The following TNFRSF11A variants were observed in gnomAD, a reference collection of about 807,000 sequenced individuals.
The protein encoded by TNFRSF11A is tumor necrosis factor receptor superfamily member 11A.
In TNFRSF11A, 32 loss-of-function variants were observed where a neutral mutation model predicts 55.7. The ratio of observed to expected loss-of-function variants is 0.57; its 90% CI spans 0.43 to 0.77. TNFRSF11A has a LOEUF of 0.77. Ranked by LOEUF, TNFRSF11A falls within the 30% of genes least tolerant of loss-of-function variation. TNFRSF11A has a pLI of 0.00. For synonymous variants in TNFRSF11A, 311 were observed against 331.0 expected (o/e 0.94, Z 0.65); for missense variants, 753 against 809.8 (o/e 0.93, Z 0.85).
chr18:62,361,104 A>C (rs1191104154), intron 6 of TNFRSF11A, among the ~76,000 whole-genome samples: 3 of 152,220 alleles, frequency 2.0e-5, no homozygotes, highest in African/African-American at 7.2e-5. Context: ...AGGAGAGGAA[A>C]AGTAGGAGTC....
intron 3 of TNFRSF11A, among the ~76,000 whole-genome samples, chr18:62,351,287 G>C (rs2145299726): frequency 6.6e-6 from 1 of 152,338 alleles, no homozygotes; most frequent in South Asian, 2.1e-4. Context: ...ACAGGCGTGA[G>C]CCACAATGCC....
chr18:62,370,811 ATTTCTTTTCT>A (rs1232331377), intron 9 of TNFRSF11A, among the ~76,000 whole-genome samples: 1 of 145,150 alleles, frequency 6.9e-6, no homozygotes, highest in Non-Finnish European at 1.5e-5. Context: ...GCATTGTTCT[ATTTCTTTTCT>A]TTTCTTTTCT....
intron 3 of TNFRSF11A, among the ~76,000 whole-genome samples, chr18:62,352,777 A>G (rs1241916068): frequency 6.6e-6 from 1 of 152,110 alleles, no homozygotes; most frequent in Non-Finnish European, 1.5e-5. Context: ...AAGAGTGGGC[A>G]CTGCAGGAAA....
chr18:62,328,134 C>T (rs1291841507), intron 1 of TNFRSF11A, among the ~76,000 whole-genome samples: 4 of 151,738 alleles, frequency 2.6e-5, no homozygotes, highest in African/African-American at 4.9e-5. Context: ...TAGTGGAGAG[C>T]GCCAGATGGG....
At chr18:62,366,789 T>C (rs1910114755) in intron 8 of TNFRSF11A, 29 bp downstream of exon 8, 1 of 1,612,514 alleles carries the variant, frequency 6.2e-7, no homozygotes, top group Non-Finnish European at 8.5e-7. Context: ...GGTGCCTCTG[T>C]TAAGTACATT....
In TNFRSF11A at chr18:62,387,907, G is replaced by A. The variant is rs879612093; in HGVS notation, c.*2873G>A. ...AAGGCAGGAGGATCACTTGAGGACA[G>A]TAGTTAGAGATCAAACTGGGCAATG... On this transcript the variant is annotated 3_prime_UTR_variant, in exon 10 of 10. Coordinates refer to ENST00000586569, the MANE Select transcript of TNFRSF11A (RefSeq NM_003839.4). 1 of 152,240 alleles carries A rather than the reference G, an allele frequency of 6.6e-6. No individual in the cohort carries two copies. The highest frequency in any genetic ancestry group is 1.5e-5 in the Non-Finnish European group (1 of 68,088). 9.4% of individuals were successfully genotyped at this position (152,240 alleles called of 1,614,324 possible).
At chr18:62,363,578 A>G (rs1909857862) in intron 7 of TNFRSF11A, among the ~76,000 whole-genome samples, 1 of 152,014 alleles carries the variant, frequency 6.6e-6, no homozygotes, top group Non-Finnish European at 1.5e-5. Context: ...CACGTTGGTC[A>G]GGCTGGTCTC....
chr18:62,361,125 G>A (rs546353497), intron 6 of TNFRSF11A, among the ~76,000 whole-genome samples: 4 of 152,284 alleles, frequency 2.6e-5, no homozygotes, highest in African/African-American at 7.2e-5. Flanking sequence ...CAGGAAACCA[G>A]GTCATGTAAA....
At chr18:62,360,539 C>T (rs567124394) in intron 6 of TNFRSF11A, among the ~76,000 whole-genome samples, 10 of 152,116 alleles carry the variant, frequency 6.6e-5, no homozygotes, top group Admixed American at 2.0e-4. Context: ...CTCCAACTCC[C>T]GGGTTCAAGC....
Position 62,369,073 on chromosome 18 carries a change from T to G in TNFRSF11A, c.1156T>G (p.Leu386Val). The change falls in exon 9 of 10, where the codon TTA becomes GTA. Residue 386 changes from leucine to valine, a missense_variant. Transcript: ENST00000586569. ...CCTGGAGGTGGGGGAGAATGACAGT[T>G]TAAGCCAGTGCTTCACGGGGACACA... is the stretch of plus-strand genomic sequence containing the variant. The part of the protein sequence containing the change: ...EPLEVGENDS[L>V]SQCFTGTQST... The G allele has an allele frequency of 3.1e-6, 5 of 1,614,164 alleles. No individual in the cohort carries two copies. Among genetic ancestry groups the G allele is most frequent in the Non-Finnish European group, 4.2e-6 (5 of 1,180,042 alleles).
chr18:62,382,188 G>A (rs938260185), intron 9 of TNFRSF11A, among the ~76,000 whole-genome samples: 1 of 135,218 alleles, frequency 7.4e-6, no homozygotes, highest in Non-Finnish European at 1.5e-5. Flanking sequence ...TTGACTCACT[G>A]CAACCTCCGC....
At chr18:62,340,220 C>T (rs1274696281) in intron 1 of TNFRSF11A, among the ~76,000 whole-genome samples, 2 of 151,538 alleles carry the variant, frequency 1.3e-5, no homozygotes, top group Admixed American at 6.6e-5. Context: ...CTTTATCATT[C>T]GTTTTGGGTT....
chr18:62,347,773 G>A (rs1050409605), intron 1 of TNFRSF11A, among the ~76,000 whole-genome samples: 1 of 151,958 alleles, frequency 6.6e-6, no homozygotes, highest in Non-Finnish European at 1.5e-5. Flanking sequence ...ATTAGGTGGT[G>A]CGTGGCTATA....
intron 1 of TNFRSF11A, among the ~76,000 whole-genome samples, chr18:62,346,047 A>G (rs1006055993): frequency 2.0e-5 from 3 of 152,228 alleles, no homozygotes; most frequent in African/African-American, 7.2e-5. Context: ...GACATCTGAC[A>G]GTGCCCCTAA....
chr18:62,326,116 C>G lies in TNFRSF11A; in HGVS notation c.75+689C>G, dbSNP rs117743010. Among the ~76,000 whole-genome samples the G allele has an allele frequency of 2.1e-3, 313 of 152,366 alleles. 1 individual carries two copies. The highest frequency in any genetic ancestry group is 3.4e-3 in the Non-Finnish European group (228 of 68,042). ...GACTTTCTGCCTCGTGGAGGAGGGC[C>G]GCAGAGGGAAGCACACCCAGCACAA... On this transcript the variant is annotated intron_variant, in intron 1 of 9. Transcript: ENST00000586569.
chr18:62,347,932 C>A (rs992117336), intron 1 of TNFRSF11A, among the ~76,000 whole-genome samples: 10 of 150,022 alleles, frequency 6.7e-5, no homozygotes, highest in African/African-American at 2.5e-4. Context: ...CAAAAAAAAA[C>A]CCTGTAATCC....
intron 1 of TNFRSF11A, among the ~76,000 whole-genome samples, chr18:62,343,085 A>C (rs958832860): frequency 7.9e-5 from 12 of 152,210 alleles, no homozygotes; most frequent in Admixed American, 1.3e-4. Context: ...CAGGGCTGTT[A>C]AGTGAAGTGT....
rs547926606 is a variant in TNFRSF11A, at chr18:62,328,376, G to A, written c.75+2949G>A. ...GGAAGAAAGCTCCCTATGTTGGGAG[G>A]ATGGTGTGAATGCTTTAGACCTAAA... On this transcript the variant is annotated intron_variant, in intron 1 of 9. Coordinates refer to ENST00000586569, the MANE Select transcript of TNFRSF11A (RefSeq NM_003839.4). Among the ~76,000 whole-genome samples, 9 of 151,638 alleles carry A rather than the reference G, an allele frequency of 5.9e-5. No individual in the cohort carries two copies. In the East Asian group the frequency reaches 1.6e-3, roughly 26 times the overall value.
At chr18:62,350,088 G>C in intron 3 of TNFRSF11A, 151 bp downstream of exon 3, 1 of 997,088 alleles carries the variant, frequency 1.0e-6, no homozygotes, top group Non-Finnish European at 1.5e-6. Flanking sequence ...ATGCGTTTTA[G>C]ATCCCCAAGG....
Sources: allele counts gnomAD v4.1 joint callset (sites outside exome capture counted in the v4.1 genomes callset), GRCh38; gene constraint gnomAD v4.1.1; transcripts MANE v1.5; gene names NCBI Gene and HGNC (gene_info 2026-07-23, HGNC 2026-07-21).